Variants in ARID5B observed in about 807,000 individuals in gnomAD.
ARID5B encodes AT-rich interaction domain 5B, also known as AT-rich interactive domain-containing protein 5B.
ARID5B carries 13 observed loss-of-function variants against 97.2 expected under a neutral mutation model. The ratio of observed to expected loss-of-function variants is 0.13; its 90% CI spans 0.09 to 0.21. The LOEUF (loss-of-function observed/expected upper bound fraction) is 0.21. Among genes scored for constraint, ARID5B ranks in the 10% least tolerant of loss-of-function variants. The pLI is 1.00. For missense variants in ARID5B, 1,210 were observed against 1,465.3 expected (o/e 0.83, Z 2.84); for synonymous variants, 556 against 570.3 (o/e 0.97, Z 0.36).
At chr10:61,920,391 G>A (rs1466130437) in intron 2 of ARID5B, among the ~76,000 whole-genome samples, 2 of 150,166 alleles carry the variant, frequency 1.3e-5, no homozygotes, top group Admixed American at 6.7e-5. Context: ...GTGCAATGGC[G>A]CAATCTCGGC....
chr10:61,939,796 G>T (rs1409892351), intron 2 of ARID5B, among the ~76,000 whole-genome samples: 1 of 152,122 alleles, frequency 6.6e-6, no homozygotes, highest in Non-Finnish European at 1.5e-5. Context: ...GTAGAGACAG[G>T]CTCACCATTA....
intron 4 of ARID5B, among the ~76,000 whole-genome samples, chr10:62,028,543 C>T (rs1589264552): frequency 6.6e-6 from 1 of 152,250 alleles, no homozygotes; most frequent in East Asian, 1.9e-4. Flanking sequence ...CCTGTGTGCT[C>T]CTGGGCAATG....
At chr10:61,947,261 CTTTTTTTTTTTT>C (rs199587188) in intron 3 of ARID5B, among the ~76,000 whole-genome samples, 2 of 124,268 alleles carry the variant, frequency 1.6e-5, no homozygotes, top group African/African-American at 3.0e-5. Context: ...CACTTACTTT[CTTTTTTTTTTTT>C]TTTTTTTTTT....
chr10:61,950,164 C>T (rs925413027), intron 3 of ARID5B, among the ~76,000 whole-genome samples: 2 of 152,102 alleles, frequency 1.3e-5, no homozygotes, highest in African/African-American at 2.4e-5. Flanking sequence ...TGTGCCACCA[C>T]GCCCAGCTAA....
At chr10:61,937,166 C>T (rs1415064939) in intron 2 of ARID5B, among the ~76,000 whole-genome samples, 7 of 152,172 alleles carry the variant, frequency 4.6e-5, no homozygotes, top group Admixed American at 1.3e-4. Flanking sequence ...GGACTGAATA[C>T]AATGCAATAG....
intron 3 of ARID5B, among the ~76,000 whole-genome samples, chr10:61,994,814 A>G (rs1030419053): frequency 3.4e-5 from 4 of 119,018 alleles, no homozygotes; most frequent in African/African-American, 1.2e-4. Flanking sequence ...TTGGTTGAGC[A>G]TTACAAGCAG....
At chr10:61,928,316 T>C (rs1844143358) in intron 2 of ARID5B, among the ~76,000 whole-genome samples, 1 of 152,136 alleles carries the variant, frequency 6.6e-6, no homozygotes, top group Non-Finnish European at 1.5e-5. Context: ...ATTATTATTA[T>C]TGAGACAGGG....
chr10:62,066,494 A>ATT (rs1344395834), intron 7 of ARID5B, among the ~76,000 whole-genome samples: 145 of 152,276 alleles, frequency 9.5e-4, no homozygotes, highest in Non-Finnish European at 1.8e-3. Context: ...GAAGGGCCAG[A>ATT]CCTGTCTTCA....
chr10:62,036,387 T>C (rs1356153527), intron 4 of ARID5B, among the ~76,000 whole-genome samples: 1 of 28,426 alleles, frequency 3.5e-5, no homozygotes, highest in Non-Finnish European at 8.7e-5. Context: ...CTTTGTTTTT[T>C]CAGCCCAGCC....
At chr10:62,077,915 A>AG (rs1173213975) in intron 8 of ARID5B, among the ~76,000 whole-genome samples, 1 of 152,254 alleles carries the variant, frequency 6.6e-6, no homozygotes, top group Non-Finnish European at 1.5e-5. Flanking sequence ...AAAAAAGAAA[A>AG]GGGAAAAAAA....
At chr10:62,061,387 T>G (rs956385020) in intron 7 of ARID5B, among the ~76,000 whole-genome samples, 24 of 152,094 alleles carry the variant, frequency 1.6e-4, no homozygotes, top group Admixed American at 5.2e-4. Flanking sequence ...GGAGGTAGAA[T>G]AAGGTTGGGC....
At position 61,947,767 on chromosome 10, in the gene ARID5B, C is replaced by A. The variant is rs191384633; in HGVS notation, c.502+7359C>A. Among the ~76,000 whole-genome samples, 1,031 of 152,300 alleles carry A rather than the reference C, an allele frequency of 6.8e-3. 6 individuals carry two copies. The highest frequency in any genetic ancestry group is 0.011 in the Non-Finnish European group (743 of 68,024). On this transcript the variant is annotated intron_variant, in intron 3 of 9. Transcript: ENST00000279873. ...ATTTATGCTGTCTACACTCAGCCATCTTGGCTATTCCTGCTAGAAAAGAGG... is the reference window on the plus strand; with the variant it reads ...ATTTATGCTGTCTACACTCAGCCATATTGGCTATTCCTGCTAGAAAAGAGG...
intron 3 of ARID5B, among the ~76,000 whole-genome samples, chr10:61,956,889 G>A (rs1320098290): frequency 6.6e-6 from 1 of 152,108 alleles, no homozygotes; most frequent in Non-Finnish European, 1.5e-5. Context: ...ACAATTTGCG[G>A]GTATTCCTCC....
rs571112534 is a variant in ARID5B, at chr10:61,908,453, A to T, written c.276+6040A>T. On this transcript the variant is annotated intron_variant, in intron 2 of 9. Coordinates refer to ENST00000279873, the MANE Select transcript of ARID5B (RefSeq NM_032199.3). ...TGTTTTTTGGAAAAAGAATTCATTA[A>T]ATTTCTCAGATGTTGATTGAAAACC... 9.2e-5 allele frequency among the ~76,000 whole-genome samples: 14 copies of T among 152,202 alleles called. No homozygotes were observed. In the East Asian group the frequency reaches 2.5e-3, roughly 27 times the overall value.
chr10:61,980,776 C>T (rs147372045), intron 3 of ARID5B, among the ~76,000 whole-genome samples: 1 of 152,262 alleles, frequency 6.6e-6, no homozygotes, highest in African/African-American at 2.4e-5. Context: ...CCTTCTGCCT[C>T]CTCCAAAATC....
chr10:62,069,609 T>G (rs1417354235), intron 7 of ARID5B, 91 bp from the exon 8 acceptor site: 37 of 1,140,932 alleles, frequency 3.2e-5, no homozygotes, highest in Middle Eastern at 1.9e-4. Context: ...CAGAACAGAC[T>G]GTTCTCTTCT....
intron 8 of ARID5B, among the ~76,000 whole-genome samples, chr10:62,078,359 C>T (rs1840165879): frequency 6.6e-6 from 1 of 152,180 alleles, no homozygotes; most frequent in Non-Finnish European, 1.5e-5. Flanking sequence ...TGCAGTGACG[C>T]ATACCTGTAG....
chr10:61,953,770 T>G (rs1252671845), intron 3 of ARID5B, among the ~76,000 whole-genome samples: 2 of 152,184 alleles, frequency 1.3e-5, no homozygotes, highest in African/African-American at 4.8e-5. Context: ...CTTGGGAAGA[T>G]TACGTTAGAT....
At chr10:62,016,472 T>A (rs866417566) in intron 4 of ARID5B, among the ~76,000 whole-genome samples, 1 of 152,210 alleles carries the variant, frequency 6.6e-6, no homozygotes, top group Admixed American at 6.5e-5. Context: ...TCTGGAGATA[T>A]TGAAATTTGA....
Sources: allele counts gnomAD v4.1 joint callset (sites outside exome capture counted in the v4.1 genomes callset), GRCh38; gene constraint gnomAD v4.1.1; transcripts MANE v1.5; gene names NCBI Gene and HGNC (gene_info 2026-07-23, HGNC 2026-07-21).